TCF12: variants seen among roughly 807,000 people sequenced by gnomAD.
TCF12 encodes transcription factor 12.
TCF12 carries 45 observed loss-of-function variants against 86.0 expected under a neutral mutation model. The observed-to-expected ratio is 0.52, with a 90% CI of 0.41 to 0.67. The LOEUF (loss-of-function observed/expected upper bound fraction) is 0.67, where lower values mean the gene tolerates loss of function less well. Among genes scored for constraint, TCF12 ranks in the 30% least tolerant of loss-of-function variants. The pLI is 0.00. For synonymous variants in TCF12, 330 were observed against 299.6 expected, an observed-to-expected ratio of 1.10 and a Z score of -1.05; for missense variants, 881 against 859.9, an observed-to-expected ratio of 1.02 and a Z score of -0.31.
chr15:57,186,524 A>C (rs1413133138), intron 6 of TCF12, among the ~76,000 whole-genome samples: 1 of 152,164 alleles, frequency 6.6e-6, no homozygotes, highest in South Asian at 2.1e-4. Context: ...TCCAGGACCA[A>C]ACAGCTTCAC....
chr15:57,078,294 C>A (rs1378429679), intron 4 of TCF12, among the ~76,000 whole-genome samples: 1 of 152,136 alleles, frequency 6.6e-6, no homozygotes, highest in Admixed American at 6.6e-5. Context: ...TGTAATTTGG[C>A]GGACTGGTTT....
At position 57,273,013 on chromosome 15, in the gene TCF12, G is replaced by T. The variant is rs776451977; in HGVS notation, c.1746-17G>T. 2.5e-6 allele frequency: 4 copies of T among 1,610,086 alleles called. No homozygotes were observed. In the Admixed American group the frequency reaches 5.0e-5, roughly 20 times the overall value. Reference sequence around the variant, plus strand: ...TATAGGAAACCTAATAGACCTTGTTGTTACTTTATTTTCTAGCAGTACTAA... The same window carrying T: ...TATAGGAAACCTAATAGACCTTGTTTTTACTTTATTTTCTAGCAGTACTAA... On this transcript the variant is annotated splice_polypyrimidine_tract_variant and intron_variant, in intron 18 of 20. Coordinates refer to ENST00000333725, the MANE Select transcript of TCF12 (RefSeq NM_207037.2).
chr15:57,032,818 A>AT (rs1267885240), intron 3 of TCF12, among the ~76,000 whole-genome samples: 5 of 152,238 alleles, frequency 3.3e-5, no homozygotes, highest in African/African-American at 1.2e-4. Flanking sequence ...ACAAAAGGCC[A>AT]TAAGTAATTC....
intron 5 of TCF12, among the ~76,000 whole-genome samples, chr15:57,107,111 A>G (rs927295583): frequency 1.3e-5 from 2 of 152,258 alleles, no homozygotes; most frequent in Admixed American, 1.3e-4. Context: ...AGTAATATGC[A>G]CATAGAAGTT....
chr15:56,923,419 C>T (rs2059877340), intron 3 of TCF12, among the ~76,000 whole-genome samples: 1 of 152,050 alleles, frequency 6.6e-6, no homozygotes, highest in East Asian at 1.9e-4. Context: ...TCTTGAGGAT[C>T]TGTTATGTTA....
At position 57,286,659 on chromosome 15, in the gene TCF12, C is replaced by T. The variant is rs757608848; in HGVS notation, c.*514C>T. The stretch of plus-strand genomic sequence containing the variant: ...GACAACCATTGGCCCTTAGCATTCC[C>T]GGCATACCTATTAGTGTCTTAAAAA... On this transcript the variant is annotated 3_prime_UTR_variant, in exon 21 of 21. Coordinates refer to ENST00000333725, the MANE Select transcript of TCF12 (RefSeq NM_207037.2). 3.5e-5 allele frequency: 16 copies of T among 456,720 alleles called. No homozygotes were observed. Among genetic ancestry groups the T allele is most frequent in the African/African-American group, 1.6e-4 (8 of 50,206 alleles). The allele number at this position is 456,720 out of a possible 1,614,324, so 28.3% of individuals were successfully genotyped here.
chr15:57,153,845 G>C (rs796288925), intron 5 of TCF12, among the ~76,000 whole-genome samples: 2 of 151,792 alleles, frequency 1.3e-5, no homozygotes, highest in African/African-American at 4.8e-5. Flanking sequence ...AACATAGCAA[G>C]ACTCTGTCTC....
At chr15:57,243,351 T>C in intron 12 of TCF12, 121 bp from the exon 13 acceptor site, 1 of 755,012 alleles carries the variant, frequency 1.3e-6, no homozygotes, top group African/African-American at 1.8e-5. Context: ...TGACAAGAAA[T>C]TTTTTCACTC....
At chr15:57,071,146 C>T (rs1344260276) in intron 4 of TCF12, among the ~76,000 whole-genome samples, 1 of 151,942 alleles carries the variant, frequency 6.6e-6, no homozygotes, top group Non-Finnish European at 1.5e-5. Flanking sequence ...ATGGCTCACA[C>T]CTGTAAACCC....
At chr15:57,229,027 G>A (rs1003948276) in intron 8 of TCF12, among the ~76,000 whole-genome samples, 1 of 151,862 alleles carries the variant, frequency 6.6e-6, no homozygotes, top group Admixed American at 6.6e-5. Flanking sequence ...GCATGTGTTC[G>A]GGTGCTGTCT....
intron 20 of TCF12, among the ~76,000 whole-genome samples, chr15:57,285,803 C>G (rs2061909636): frequency 6.6e-6 from 1 of 152,176 alleles, no homozygotes; most frequent in Non-Finnish European, 1.5e-5. Flanking sequence ...GTGGTGCACA[C>G]CTGTAGTCCC....
rs561116320 is a variant in TCF12 at position 57,194,582 on chromosome 15, A to T, written c.526+2289A>T. Among the ~76,000 whole-genome samples, 7 of 152,328 alleles carry T rather than the reference A, an allele frequency of 4.6e-5. No homozygotes were observed. In the South Asian group the frequency reaches 1.5e-3, roughly 32 times the overall value. The stretch of plus-strand genomic sequence containing the variant: ...CTGCATCAACCTCAGCATCTTCACA[A>T]ACTATTTAGGTGCTTTAGGAAATCA... On this transcript the variant is annotated intron_variant, in intron 7 of 20. Transcript: ENST00000333725.
intron 13 of TCF12, among the ~76,000 whole-genome samples, chr15:57,245,866 A>C (rs1219010387): frequency 6.6e-6 from 1 of 152,160 alleles, no homozygotes; most frequent in African/African-American, 2.4e-5. Context: ...TGAAACAGCA[A>C]ATCAAAGACT....
At chr15:56,998,666 G>A (rs746835030) in intron 3 of TCF12, among the ~76,000 whole-genome samples, 3 of 151,924 alleles carry the variant, frequency 2.0e-5, no homozygotes, top group Non-Finnish European at 4.4e-5. Context: ...CAGAATGTCC[G>A]AACAACATTA....
intron 8 of TCF12, among the ~76,000 whole-genome samples, chr15:57,222,467 T>C (rs1157704505): frequency 6.6e-6 from 1 of 151,974 alleles, no homozygotes; most frequent in Non-Finnish European, 1.5e-5. Flanking sequence ...AAGGGGTTAA[T>C]GTTTTGTATT....
At chr15:57,104,751 G>A (rs184718450) in intron 5 of TCF12, among the ~76,000 whole-genome samples, 7 of 148,198 alleles carry the variant, frequency 4.7e-5, no homozygotes, top group African/African-American at 1.7e-4. Context: ...TCTTTATTTT[G>A]TTTAACTTTT....
At chr15:57,072,977 C>G (rs1247897352) in intron 4 of TCF12, among the ~76,000 whole-genome samples, 3 of 152,162 alleles carry the variant, frequency 2.0e-5, no homozygotes, top group Non-Finnish European at 2.9e-5. Flanking sequence ...CTTTAAATCT[C>G]TTGCTAGCAG....
chr15:57,227,023 C>T (rs1395193910), intron 8 of TCF12, among the ~76,000 whole-genome samples: 1 of 151,976 alleles, frequency 6.6e-6, no homozygotes, highest in Non-Finnish European at 1.5e-5. Context: ...GGAAGGGTAT[C>T]TCAATTAGGA....
At chr15:57,004,624 T>C (rs1173857576) in intron 3 of TCF12, among the ~76,000 whole-genome samples, 1 of 152,168 alleles carries the variant, frequency 6.6e-6, no homozygotes, top group Non-Finnish European at 1.5e-5. Flanking sequence ...TTAGCCAGGA[T>C]GGTCTCTGTC....
Sources: gnomAD v4.1 joint callset for allele counts (sites outside exome capture counted in the v4.1 genomes callset) on GRCh38, gnomAD v4.1.1 for gene constraint, MANE v1.5 for transcripts, NCBI Gene and HGNC (gene_info 2026-07-23, HGNC 2026-07-21) for gene names.